The following TOLLIP variants were observed in gnomAD, a reference collection of about 807,000 sequenced individuals.
TOLLIP encodes the protein toll-interacting protein.
In TOLLIP, 16 loss-of-function variants were observed where a neutral mutation model predicts 33.5. The observed-to-expected ratio is 0.48, with a 90% CI of 0.32 to 0.72. TOLLIP has a LOEUF of 0.72. TOLLIP is among the 30% of genes least tolerant of loss of function. TOLLIP has a pLI of 0.03. For synonymous variants in TOLLIP, 176 were observed against 163.7 expected, an observed-to-expected ratio of 1.07 and a Z score of -0.57; for missense variants, 325 against 396.6, an observed-to-expected ratio of 0.82 and a Z score of 1.53.
Position 1,275,657 on chromosome 11 carries a change from T to C in TOLLIP, c.*1382A>G, listed in dbSNP as rs1863273571. 1 of 152,132 alleles carries C rather than the reference T, an allele frequency of 6.6e-6. No individual in the cohort carries two copies. Among genetic ancestry groups the C allele is most frequent in the South Asian group, 2.1e-4 (1 of 4,828 alleles). 9.4% of individuals were successfully genotyped at this position (152,132 alleles called of 1,614,324 possible). A position where few individuals can be genotyped will look rare whatever the true frequency, so the allele number is the denominator to read the frequency against. ...CACTTCAAGTTTACAAAAATAAATA[T>C]TTATCAACAGTATATTTGACAAAAA... is the stretch of plus-strand genomic sequence containing the variant. On this transcript the variant is annotated 3_prime_UTR_variant, in exon 6 of 6. Coordinates refer to ENST00000317204, the MANE Select transcript of TOLLIP (RefSeq NM_019009.4).
chr11:1,281,571 C>T (rs558432579), intron 5 of TOLLIP, among the ~76,000 whole-genome samples: 2 of 152,184 alleles, frequency 1.3e-5, no homozygotes, highest in African/African-American at 2.4e-5. Flanking sequence ...GATCAGCAGG[C>T]GACAGCTGAA....
At chr11:1,282,343 A>G (rs1863528748) in intron 5 of TOLLIP, among the ~76,000 whole-genome samples, 1 of 152,222 alleles carries the variant, frequency 6.6e-6, no homozygotes, top group Non-Finnish European at 1.5e-5. Flanking sequence ...AAAAATAGGA[A>G]ATTGTTTAGG....
chr11:1,302,215 T>A (rs1210086773), intron 1 of TOLLIP, among the ~76,000 whole-genome samples: 1 of 152,220 alleles, frequency 6.6e-6, no homozygotes, highest in Non-Finnish European at 1.5e-5. Flanking sequence ...CACATCCAGA[T>A]CCGGGCGTGC....
chr11:1,277,374 G>A lies in TOLLIP; in HGVS notation c.611-121C>T. ...CCTCCCTGAGGAAGGGGCCACCTCGGGTCTCAGCAAACACCAGTCCCGCAA... is the reference window on the plus strand; with the variant it reads ...CCTCCCTGAGGAAGGGGCCACCTCGAGTCTCAGCAAACACCAGTCCCGCAA... On this transcript the variant is annotated intron_variant, in intron 5 of 5. Coordinates refer to ENST00000317204, the MANE Select transcript of TOLLIP (RefSeq NM_019009.4). This position sits in a 1 kb window ranked among gnomAD's most constrained non-coding sequence, Gnocchi z 4.2. The A allele has an allele frequency of 1.3e-6, 1 of 795,326 alleles. No homozygotes were observed. Among genetic ancestry groups the A allele is most frequent in the East Asian group, 2.9e-5 (1 of 34,856 alleles). The allele number at this position is 795,326 out of a possible 1,614,324, so 49.3% of individuals were successfully genotyped here.
At chr11:1,302,233 C>T (rs1864301242) in intron 1 of TOLLIP, among the ~76,000 whole-genome samples, 1 of 152,266 alleles carries the variant, frequency 6.6e-6, no homozygotes. Context: ...TGCAAGAGGG[C>T]GGGAACGCGC....
chr11:1,287,231 C>T (rs537087337), intron 4 of TOLLIP, among the ~76,000 whole-genome samples: 1 of 152,190 alleles, frequency 6.6e-6, no homozygotes, highest in Non-Finnish European at 1.5e-5. Context: ...ATCACTGGAG[C>T]GTCATGATGG....
intron 5 of TOLLIP, among the ~76,000 whole-genome samples, chr11:1,284,417 C>T (rs1451044400): frequency 2.6e-5 from 4 of 151,878 alleles, no homozygotes; most frequent in Non-Finnish European, 4.4e-5. Flanking sequence ...GGCGCAATCT[C>T]GGCTCACTGC....
intron 4 of TOLLIP, 62 bp from the exon 5 acceptor site, chr11:1,286,154 G>A: frequency 7.5e-7 from 1 of 1,338,428 alleles, no homozygotes; most frequent in South Asian, 1.3e-5. Flanking sequence ...AGAACCTCGG[G>A]AATCGCCCTC....
In TOLLIP at chr11:1,299,326, G is replaced by A. The variant is rs538006433; in HGVS notation, c.34-3532C>T. Among the ~76,000 whole-genome samples, 5 of 152,276 alleles carry A rather than the reference G, an allele frequency of 3.3e-5. No homozygotes were observed. In the South Asian group the frequency reaches 8.3e-4, roughly 25 times the overall value. Reference sequence around the variant, plus strand: ...CCTACCAGGGAGAGGCGGCTTGCCTGCTGCTGCAATGCCCTCGTTTCTCAA... The same window carrying A: ...CCTACCAGGGAGAGGCGGCTTGCCTACTGCTGCAATGCCCTCGTTTCTCAA... On this transcript the variant is annotated intron_variant, in intron 1 of 5. Transcript: ENST00000317204.
At chr11:1,288,840 G>T (rs1020265317) in intron 3 of TOLLIP, 64 bp from the exon 4 acceptor site, 28 of 1,550,784 alleles carry the variant, frequency 1.8e-5, no homozygotes, top group Non-Finnish European at 2.4e-5. Context: ...CCCTGCAGCC[G>T]CACCATCGTG....
intron 1 of TOLLIP, among the ~76,000 whole-genome samples, chr11:1,307,309 C>T (rs1176264964): frequency 6.6e-6 from 1 of 152,210 alleles, no homozygotes; most frequent in Non-Finnish European, 1.5e-5. Context: ...TGGAAACAGC[C>T]CAGGAGGCAC....
Position 1,277,386 on chromosome 11 carries a change from C to T in TOLLIP, c.611-133G>A, listed in dbSNP as rs1863345445. On this transcript the variant is annotated intron_variant, in intron 5 of 5. Coordinates refer to ENST00000317204, the MANE Select transcript of TOLLIP (RefSeq NM_019009.4). This position sits in a 1 kb window ranked among gnomAD's most constrained non-coding sequence, Gnocchi z 4.2. ...AGGGGCCACCTCGGGTCTCAGCAAA[C>T]ACCAGTCCCGCAAGACACCCTGGAA... is the stretch of plus-strand genomic sequence containing the variant. 3 of 686,202 alleles carry T rather than the reference C, an allele frequency of 4.4e-6. No individual in the cohort carries two copies. The highest frequency in any genetic ancestry group is 6.9e-6 in the Non-Finnish European group (3 of 435,706). The allele number at this position is 686,202 out of a possible 1,614,324, so 42.5% of individuals were successfully genotyped here.
At chr11:1,285,565 G>A (rs1225348298) in intron 5 of TOLLIP, among the ~76,000 whole-genome samples, 1 of 152,230 alleles carries the variant, frequency 6.6e-6, no homozygotes, top group Non-Finnish European at 1.5e-5. Context: ...TCACCCAACA[G>A]GAGCGTGAGG....
intron 5 of TOLLIP, among the ~76,000 whole-genome samples, chr11:1,280,664 G>A (rs1354792864): frequency 6.6e-6 from 1 of 152,042 alleles, no homozygotes; most frequent in Non-Finnish European, 1.5e-5. Flanking sequence ...GGGCCAGGCT[G>A]GGGAGGCGCC....
chr11:1,284,891 C>T (rs988830575), intron 5 of TOLLIP, among the ~76,000 whole-genome samples: 1 of 152,202 alleles, frequency 6.6e-6, no homozygotes, highest in African/African-American at 2.4e-5. Context: ...TCCTTCCCAT[C>T]GTCAGGGCTG....
chr11:1,295,346 G>A (rs923593293), intron 2 of TOLLIP: 2 of 277,118 alleles, frequency 7.2e-6, no homozygotes, highest in Non-Finnish European at 1.3e-5. Flanking sequence ...AGCTGCCGGC[G>A]GGGGTCCGGG....
chr11:1,299,850 C>T (rs1864214341), intron 1 of TOLLIP, among the ~76,000 whole-genome samples: 1 of 152,238 alleles, frequency 6.6e-6, no homozygotes, highest in Admixed American at 6.5e-5. Flanking sequence ...CAGGCACATC[C>T]ACCCAGCGCA....
intron 2 of TOLLIP, among the ~76,000 whole-genome samples, chr11:1,293,963 C>T (rs553699616): frequency 1.3e-5 from 2 of 152,384 alleles, no homozygotes; most frequent in East Asian, 3.9e-4. Context: ...GACGGTGTAG[C>T]TGTGCTCACC....
chr11:1,309,437 C>A (rs2133940293), intron 1 of TOLLIP, 29 bp downstream of exon 1: 1 of 1,270,794 alleles, frequency 7.9e-7, no homozygotes, highest in South Asian at 2.2e-5. Flanking sequence ...GGTCACCGCC[C>A]CCGCCCGACC....
Sources: gnomAD v4.1 joint callset for allele counts (sites outside exome capture counted in the v4.1 genomes callset) on GRCh38, gnomAD v4.1.1 for gene constraint, Gnocchi (gnomAD v3.1) non-coding constraint, MANE v1.5 for transcripts, NCBI Gene and HGNC (gene_info 2026-07-23, HGNC 2026-07-21) for gene names.